The following CACNG5 variants were observed in gnomAD, a reference collection of about 807,000 sequenced individuals.
CACNG5 encodes calcium voltage-gated channel auxiliary subunit gamma 5.
Under a neutral mutation model 24.8 loss-of-function variants are expected in CACNG5, and 18 were observed. The ratio of observed to expected loss-of-function variants is 0.73; its 90% CI spans 0.50 to 1.08. The LOEUF is 1.08. Ranked by LOEUF, CACNG5 falls within the 50% of genes least tolerant of loss-of-function variation. The pLI, the probability that CACNG5 is intolerant of heterozygous loss-of-function variation, is 0.00. For missense variants in CACNG5, 349 were observed against 367.9 expected (o/e 0.95, Z 0.42); for synonymous variants, 157 against 149.1 (o/e 1.05, Z -0.39).
rs150770823 is a variant in CACNG5, at chr17:66,877,513, G to T, written c.181G>T (p.Val61Phe). Residue 61 changes from valine (V) to phenylalanine (F), a missense_variant, in exon 2 of 6, where the codon GTC (valine) becomes TTC (phenylalanine). Coordinates refer to ENST00000533854, the MANE Select transcript of CACNG5 (RefSeq NM_145811.3). ...GTCCCTGCACTCAGGCCTCTGGCGG[G>T]TCTGCTTCCTTGCAGGTAAGGGTGC... ...KMSLHSGLWRVCFLAGEERGR... is the reference protein window; with the variant it reads ...KMSLHSGLWRFCFLAGEERGR... 1.2e-4 allele frequency: 189 copies of T among 1,613,744 alleles called. 1 individual carries two copies. Among genetic ancestry groups the T allele is most frequent in the Admixed American group, 3.3e-5 (2 of 60,006 alleles).
chr17:66,856,545 C>CTTTT (rs60304454), intron 1 of CACNG5, among the ~76,000 whole-genome samples: 1 of 142,936 alleles, frequency 7.0e-6, no homozygotes, highest in Non-Finnish European at 1.5e-5. Flanking sequence ...GCCCCCCCGC[C>CTTTT]TTTTTTTTTT....
Position 66,847,703 on chromosome 17 carries a change from C to T in CACNG5, c.-104+12453C>T, listed in dbSNP as rs757972345. On this transcript the variant is annotated intron_variant, in intron 1 of 5. Transcript: ENST00000533854. ...CAGACACCCCTCACCCACCTTCCCC[C>T]AGTCATGGCCCTAGGAGACAGGAGA... 2.6e-5 allele frequency among the ~76,000 whole-genome samples: 4 copies of T among 152,064 alleles called. No individual in the cohort carries two copies. In the East Asian group the frequency reaches 5.8e-4, roughly 22 times the overall value.
intron 1 of CACNG5, among the ~76,000 whole-genome samples, chr17:66,861,924 A>G (rs537517567): frequency 1.3e-5 from 2 of 152,362 alleles, no homozygotes; most frequent in East Asian, 1.9e-4. Flanking sequence ...TGCCTTTTCT[A>G]AAGGGTGTTT....
chr17:66,887,019 G>A lies in CACNG5; in HGVS notation c.*1779G>A, dbSNP rs1003497784. 6.6e-6 allele frequency among the ~76,000 whole-genome samples: 1 copy of A among 152,104 alleles called. No individual in the cohort carries two copies. Among genetic ancestry groups the A allele is most frequent in the Non-Finnish European group, 1.5e-5 (1 of 68,026 alleles). ...TCGGGTCCATCCCCGATTAATTGGT[G>A]GTTAATTTTCATGAAATAACCTCTT... On this transcript the variant is annotated 3_prime_UTR_variant, in exon 6 of 6. Coordinates refer to ENST00000533854, the MANE Select transcript of CACNG5 (RefSeq NM_145811.3).
At position 66,836,968 on chromosome 17, in the gene CACNG5, C is replaced by A. The variant is rs559803056; in HGVS notation, c.-104+1718C>A. ...ATTGTTCACGCTTGTTTGGAAGAGA[C>A]TGGCCTTAGGTTGTTGTGGAAAACG... On this transcript the variant is annotated intron_variant, in intron 1 of 5. Coordinates refer to ENST00000533854, the MANE Select transcript of CACNG5 (RefSeq NM_145811.3). Among the ~76,000 whole-genome samples, 18 of 152,318 alleles carry A rather than the reference C, an allele frequency of 1.2e-4. No individual in the cohort carries two copies. The South Asian group carries it at 3.5e-3, about 30-fold the overall frequency.
chr17:66,849,741 C>T (rs1282386778), intron 1 of CACNG5, among the ~76,000 whole-genome samples: 1 of 152,270 alleles, frequency 6.6e-6, no homozygotes, highest in East Asian at 1.9e-4. Context: ...GAAGGAGCCA[C>T]GGAGGTCACA....
intron 1 of CACNG5, among the ~76,000 whole-genome samples, chr17:66,869,303 C>G (rs1976970590): frequency 6.6e-6 from 1 of 152,132 alleles, no homozygotes; most frequent in Admixed American, 6.5e-5. Flanking sequence ...AGGCTGGTCT[C>G]AAACTCCTGA....
Position 66,887,444 on chromosome 17 carries a change from C to T in CACNG5, c.*2204C>T, listed in dbSNP as rs1977278610. On this transcript the variant is annotated 3_prime_UTR_variant, in exon 6 of 6. Transcript: ENST00000533854. Reference sequence around the variant, plus strand: ...CTCTCCACTGGCACCCTTGCAATGACTGTTGTATTCTTCAGTTACTGTTTA... The same window carrying T: ...CTCTCCACTGGCACCCTTGCAATGATTGTTGTATTCTTCAGTTACTGTTTA... 6.6e-6 allele frequency among the ~76,000 whole-genome samples: 1 copy of T among 152,184 alleles called. No homozygotes were observed.
At position 66,890,503 on chromosome 17, in the gene CACNG5, CTGCTCTGTGACCTT is replaced by C. The variant is rs1402863938; in HGVS notation, c.*5264_*5277del. Among the ~76,000 whole-genome samples, 1 of 152,230 alleles carries C rather than the reference CTGCTCTGTGACCTT, an allele frequency of 6.6e-6. No individual in the cohort carries two copies. The stretch of plus-strand genomic sequence containing the variant: ...ATCCCTGAACCAGGATCCTGGACCT[CTGCTCTGTGACCTT>C]GGACATATCACATCCTTCTGGGCCT... On this transcript the variant is annotated 3_prime_UTR_variant, in exon 6 of 6. Transcript: ENST00000533854.
rs1198720867 is a variant in CACNG5 at position 66,892,057 on chromosome 17, G to C, written c.*6817G>C. ...TACTGGGATTTATCACTGTAGCTGG[G>C]GATAAGGCCACCTTCTGAGTCTGGC... On this transcript the variant is annotated 3_prime_UTR_variant, in exon 6 of 6. Coordinates refer to ENST00000533854, the MANE Select transcript of CACNG5 (RefSeq NM_145811.3). Among the ~76,000 whole-genome samples, 1 of 152,220 alleles carries C rather than the reference G, an allele frequency of 6.6e-6. No homozygotes were observed. The highest frequency in any genetic ancestry group is 1.5e-5 in the Non-Finnish European group (1 of 68,034).
chr17:66,848,627 C>T (rs919228860), intron 1 of CACNG5, among the ~76,000 whole-genome samples: 4 of 152,136 alleles, frequency 2.6e-5, no homozygotes, highest in East Asian at 1.9e-4. Context: ...CGTTTGAGTC[C>T]GAGTTGGGTA....
chr17:66,887,508 TAAAGG>T lies in CACNG5; in HGVS notation c.*2271_*2275del, dbSNP rs370032926. 2.6e-3 allele frequency among the ~76,000 whole-genome samples: 394 copies of T among 152,278 alleles called. 2 individuals carry two copies. Among genetic ancestry groups the T allele is most frequent in the African/African-American group, 9.1e-3 (379 of 41,562 alleles). Reference sequence around the variant, plus strand: ...AAACCATGTTCTCCTCACCGCAAAGTAAAGGAATCAGTTTTTGTGCTTGGAGACAG... The same window carrying T: ...AAACCATGTTCTCCTCACCGCAAAGTAATCAGTTTTTGTGCTTGGAGACAG... On this transcript the variant is annotated 3_prime_UTR_variant, in exon 6 of 6. Coordinates refer to ENST00000533854, the MANE Select transcript of CACNG5 (RefSeq NM_145811.3).
In CACNG5 at chr17:66,887,709, T is replaced by C. The variant is rs1184549341; in HGVS notation, c.*2469T>C. ...GTAGAATCCACTCCTAAATACAAGTTGATTGTGGACTCAGACATCACTAGG... is the reference window on the plus strand; with the variant it reads ...GTAGAATCCACTCCTAAATACAAGTCGATTGTGGACTCAGACATCACTAGG... On this transcript the variant is annotated 3_prime_UTR_variant, in exon 6 of 6. Transcript: ENST00000533854. Among the ~76,000 whole-genome samples, 5 of 152,338 alleles carry C rather than the reference T, an allele frequency of 3.3e-5. No homozygotes were observed. The East Asian group carries it at 9.6e-4, about 29-fold the overall frequency.
intron 1 of CACNG5, among the ~76,000 whole-genome samples, chr17:66,851,412 A>G (rs763841493): frequency 1.3e-5 from 2 of 152,220 alleles, no homozygotes; most frequent in Non-Finnish European, 2.9e-5. Flanking sequence ...TGAGCTCACA[A>G]TAAAAATTAC....
At chr17:66,872,160 ATT>A (rs1240086363) in intron 1 of CACNG5, among the ~76,000 whole-genome samples, 1 of 152,216 alleles carries the variant, frequency 6.6e-6, no homozygotes, top group African/African-American at 2.4e-5. Flanking sequence ...ATTTTGGGTT[ATT>A]TCTTTCCAGT....
intron 1 of CACNG5, among the ~76,000 whole-genome samples, chr17:66,869,102 G>A (rs1480939775): frequency 6.6e-6 from 1 of 151,270 alleles, no homozygotes; most frequent in Non-Finnish European, 1.5e-5. Flanking sequence ...TTTTCTTTTT[G>A]AGATGGAGTC....
At chr17:66,856,523 A>C (rs1976777875) in intron 1 of CACNG5, among the ~76,000 whole-genome samples, 1 of 146,854 alleles carries the variant, frequency 6.8e-6, no homozygotes, top group Non-Finnish European at 1.5e-5. Flanking sequence ...CATAACAAGG[A>C]TCCCTCGTGT....
chr17:66,847,518 T>C (rs1010463983), intron 1 of CACNG5, among the ~76,000 whole-genome samples: 1 of 151,670 alleles, frequency 6.6e-6, no homozygotes, highest in African/African-American at 2.4e-5. Context: ...TGAGACTTAC[T>C]ATCACGAGAA....
At chr17:66,875,927 A>C (rs982752234) in intron 1 of CACNG5, among the ~76,000 whole-genome samples, 1 of 152,180 alleles carries the variant, frequency 6.6e-6, no homozygotes, top group Admixed American at 6.5e-5. Context: ...GCCCCACTGG[A>C]TGACCCCTTC....
Sources: gnomAD v4.1 joint callset for allele counts (sites outside exome capture counted in the v4.1 genomes callset) on GRCh38, gnomAD v4.1.1 for gene constraint, MANE v1.5 for transcripts, NCBI Gene and HGNC (gene_info 2026-07-23, HGNC 2026-07-21) for gene names.